Variants in HMCN1 observed in about 807,000 individuals in gnomAD.
The protein encoded by HMCN1 is hemicentin-1.
Under a neutral mutation model 625.9 loss-of-function variants are expected in HMCN1, and 321 were observed. The observed-to-expected ratio is 0.51, with a 90% CI of 0.47 to 0.56. The LOEUF (loss-of-function observed/expected upper bound fraction) is 0.56, where lower values mean the gene tolerates loss of function less well. HMCN1 is among the 20% of genes least tolerant of loss of function. The pLI, the probability that HMCN1 is intolerant of heterozygous loss-of-function variation, is 0.00. For synonymous variants in HMCN1, 2,425 were observed against 2,417.6 expected (o/e 1.00, Z -0.09); for missense variants, 6,588 against 6,887.3 (o/e 0.96, Z 1.54).
chr1:186,125,470 C>A, intron 81 of HMCN1, 134 bp from the exon 82 acceptor site: 1 of 708,064 alleles, frequency 1.4e-6, no homozygotes, highest in Non-Finnish European at 2.5e-6. Context: ...AAATCAATAT[C>A]TTAATAGATT....
Position 186,001,408 on chromosome 1 carries a change from TGGTATAAA to T in HMCN1, c.4182_4189del (p.Trp1394Ter). 6.2e-7 allele frequency: 1 copy of T among 1,612,434 alleles called. No homozygotes were observed. The highest frequency in any genetic ancestry group is 8.5e-7 in the Non-Finnish European group (1 of 1,178,774). On this transcript the variant is annotated frameshift_variant, in exon 27 of 107. Transcript: ENST00000271588. LOFTEE classifies it high-confidence loss of function. ...AGGCACTCCATCTCCCATCATTATG[TGGTATAAA>T]GATAATGTCCAGGTAAATAGAGTCA...
chr1:185,888,308 T>C (rs1160375879), intron 4 of HMCN1, among the ~76,000 whole-genome samples: 2 of 137,748 alleles, frequency 1.5e-5, no homozygotes, highest in Admixed American at 6.9e-5. Context: ...AGCTCTTTAG[T>C]TTAATTAGAT....
intron 2 of HMCN1, among the ~76,000 whole-genome samples, chr1:185,862,951 A>T (rs1175771546): frequency 3.3e-5 from 5 of 152,274 alleles, no homozygotes; most frequent in South Asian, 4.1e-4. Context: ...TTTGATCGGG[A>T]TCCAGTACAA....
At chr1:186,085,985 G>A (rs1051877472) in intron 57 of HMCN1, among the ~76,000 whole-genome samples, 2 of 152,084 alleles carry the variant, frequency 1.3e-5, no homozygotes, top group African/African-American at 4.8e-5. Context: ...AATCGTCTTA[G>A]GAATTGTCGA....
intron 11 of HMCN1, among the ~76,000 whole-genome samples, chr1:185,935,416 T>A (rs1274080345): frequency 6.6e-6 from 1 of 152,118 alleles, no homozygotes; most frequent in East Asian, 1.9e-4. Flanking sequence ...AGTAGTTCCA[T>A]GGACATTTTC....
chr1:186,160,442 T>A (rs1157077937), intron 97 of HMCN1, among the ~76,000 whole-genome samples: 13 of 130,812 alleles, frequency 9.9e-5, no homozygotes, highest in Non-Finnish European at 2.1e-4. Context: ...CTGATTTTAG[T>A]TATTTCTTGC....
At position 186,018,196 on chromosome 1, in the gene HMCN1, G is replaced by C; in HGVS notation, c.5314G>C (p.Gly1772Arg). Residue 1772 changes from glycine to arginine, a missense_variant, in exon 34 of 107, where the codon GGC (glycine) becomes CGC (arginine). Physicochemically the swap from Gly to Arg is moderately radical, Grantham distance 125. This residue lies in a region of HMCN1 where 4,628 missense variants were observed against 4,853.1 expected (regional missense o/e 0.95). Coordinates refer to ENST00000271588, the MANE Select transcript of HMCN1 (RefSeq NM_031935.3). ...CTTTTTCTATAGGTGGCTGAAGGAT[G>C]GCCAGTTAATTGATGAAAGGGATGG... Reference protein sequence around the residue: ...PPPTIMWLKDGQLIDERDGFK... With the variant: ...PPPTIMWLKDRQLIDERDGFK... 2 of 1,612,404 alleles carry C rather than the reference G, an allele frequency of 1.2e-6. No individual in the cohort carries two copies. The highest frequency in any genetic ancestry group is 3.3e-4 in the Middle Eastern group (2 of 6,050).
intron 86 of HMCN1, among the ~76,000 whole-genome samples, chr1:186,133,458 C>T (rs1662054911): frequency 6.6e-6 from 1 of 152,156 alleles, no homozygotes; most frequent in South Asian, 2.1e-4. Flanking sequence ...GAAAACAGAG[C>T]ATCCATAATT....
Position 186,023,037 on chromosome 1 carries a change from C to G in HMCN1, c.5633C>G (p.Ser1878Cys). The G allele has an allele frequency of 6.2e-7, 1 of 1,613,340 alleles. No homozygotes were observed. The highest frequency in any genetic ancestry group is 8.5e-7 in the Non-Finnish European group (1 of 1,179,476). The change falls in exon 36 of 107, where the codon TCT becomes TGT. Residue 1878 changes from serine to cysteine, a missense_variant. Physicochemically the swap from Ser to Cys is moderately radical, Grantham distance 112. Coordinates refer to ENST00000271588, the MANE Select transcript of HMCN1 (RefSeq NM_031935.3). ...NTAQGNLKIQ[S>C]SGRVLQIAKT... ...CTTTCTGCTCCCAATTAGATACAGTCTTCTGGTCGAGTTCTACAAATTGCC... is the reference window on the plus strand; with the variant it reads ...CTTTCTGCTCCCAATTAGATACAGTGTTCTGGTCGAGTTCTACAAATTGCC...
intron 1 of HMCN1, among the ~76,000 whole-genome samples, chr1:185,802,752 G>A (rs1658884883): frequency 6.6e-6 from 1 of 152,146 alleles, no homozygotes; most frequent in Admixed American, 6.6e-5. Context: ...TGTCGGGAGA[G>A]AAGCCAGACT....
At chr1:185,778,845 C>T (rs76220800) in intron 1 of HMCN1, among the ~76,000 whole-genome samples, 36,073 of 152,026 alleles carry the variant, frequency 0.24, 4,692 homozygotes, top group Non-Finnish European at 0.29. Flanking sequence ...ATTTATAGTC[C>T]TTTGGGTATA....
intron 14 of HMCN1, among the ~76,000 whole-genome samples, chr1:185,966,947 T>G (rs1650450713): frequency 6.6e-6 from 1 of 152,114 alleles, no homozygotes; most frequent in African/African-American, 2.4e-5. Context: ...TACTGAAAGA[T>G]TTTTAGTCTT....
In HMCN1 at chr1:186,130,675, C is replaced by T. The variant is rs1661883671; in HGVS notation, c.13208C>T (p.Ser4403Phe). 6.2e-7 allele frequency: 1 copy of T among 1,612,828 alleles called. No individual in the cohort carries two copies. ...SHRIRQLGNG[S>F]LAIYGTVNED... ...AGAATCCGGCAACTGGGCAATGGCT[C>T]CCTGGCCATCTATGGCACTGTTGTA... Residue 4403 changes from serine (S) to phenylalanine (F), a missense_variant, in exon 85 of 107, where the codon TCC (serine) becomes TTC (phenylalanine). Ser to Phe is a radical substitution (Grantham distance 155). Transcript: ENST00000271588.
chr1:185,753,556 A>G (rs1571305779), intron 1 of HMCN1, among the ~76,000 whole-genome samples: 1 of 151,934 alleles, frequency 6.6e-6, no homozygotes, highest in Non-Finnish European at 1.5e-5. Context: ...TACCTTTCTA[A>G]TGCAGATATT....
At chr1:185,840,610 T>G (rs565795976) in intron 1 of HMCN1, among the ~76,000 whole-genome samples, 3 of 152,316 alleles carry the variant, frequency 2.0e-5, no homozygotes, top group African/African-American at 7.2e-5. Flanking sequence ...GAAAATTTAC[T>G]GTCTTCATGT....
chr1:185,799,680 T>G (rs1276882863), intron 1 of HMCN1, among the ~76,000 whole-genome samples: 1 of 152,090 alleles, frequency 6.6e-6, no homozygotes, highest in Non-Finnish European at 1.5e-5. Flanking sequence ...TGCTGGTAGC[T>G]GAGGTTTCAC....
intron 104 of HMCN1, among the ~76,000 whole-genome samples, chr1:186,179,830 CT>C (rs1232172078): frequency 1.3e-5 from 2 of 152,084 alleles, no homozygotes; most frequent in African/African-American, 4.8e-5. Context: ...CTCAGATGGA[CT>C]TCTTGGTCAA....
intron 1 of HMCN1, among the ~76,000 whole-genome samples, chr1:185,815,313 A>G (rs1182988794): frequency 6.7e-6 from 1 of 150,156 alleles, no homozygotes; most frequent in African/African-American, 2.5e-5. Flanking sequence ...TTGTCATCCT[A>G]AAGTTTAGTT....
At chr1:185,858,257 A>C (rs1662597735) in intron 2 of HMCN1, among the ~76,000 whole-genome samples, 1 of 152,170 alleles carries the variant, frequency 6.6e-6, no homozygotes, top group African/African-American at 2.4e-5. Flanking sequence ...AAAGTGTCTT[A>C]TTACCGAGAA....
Sources: allele counts gnomAD v4.1 joint callset (sites outside exome capture counted in the v4.1 genomes callset), GRCh38; gene constraint gnomAD v4.1.1; regional missense constraint gnomAD v4.1.1; transcripts MANE v1.5; gene names NCBI Gene and HGNC (gene_info 2026-07-23, HGNC 2026-07-21).